COA1: variants seen among roughly 807,000 people sequenced by gnomAD.
The protein encoded by COA1 is cytochrome c oxidase assembly factor 1, also known as cytochrome c oxidase assembly factor 1 homolog.
Under a neutral mutation model 16.0 loss-of-function variants are expected in COA1, and 13 were observed. The ratio of observed to expected loss-of-function variants is 0.81; its 90% confidence interval spans 0.53 to 1.29. The LOEUF is 1.29. Ranked by LOEUF, COA1 falls within the 50% of genes most tolerant of loss-of-function variation. COA1 has a pLI of 0.00. For missense variants in COA1, 179 were observed against 177.0 expected, an observed-to-expected ratio of 1.01 and a Z score of -0.06; for synonymous variants, 65 against 65.7, an observed-to-expected ratio of 0.99 and a Z score of 0.05.
intron 6 of COA1, chr7:43,619,511 A>C (rs1307746535): frequency 6.7e-7 from 1 of 1,484,768 alleles, no homozygotes; most frequent in Admixed American, 2.1e-5. Flanking sequence ...TCTCAGTTTC[A>C]TAGGTGAAAT....
intron 1 of COA1, among the ~76,000 whole-genome samples, chr7:43,728,148 G>A (rs1252420463): frequency 6.6e-6 from 1 of 151,958 alleles, no homozygotes; most frequent in African/African-American, 2.4e-5. Context: ...CTAATTTTTT[G>A]TATTTTTAGT....
At chr7:43,666,940 G>C (rs1333000144) in intron 1 of COA1, among the ~76,000 whole-genome samples, 1 of 152,186 alleles carries the variant, frequency 6.6e-6, no homozygotes, top group East Asian at 1.9e-4. Flanking sequence ...ACCATGGCAA[G>C]CAGGTCTTAA....
At chr7:43,643,562 T>A (rs930295623) in intron 4 of COA1, among the ~76,000 whole-genome samples, 1 of 152,202 alleles carries the variant, frequency 6.6e-6, no homozygotes, top group Non-Finnish European at 1.5e-5. Context: ...GTCGCTGCCG[T>A]CCTTCCACTC....
At chr7:43,641,660 C>T (rs994477452) in intron 4 of COA1, 4 of 152,174 alleles carry the variant, frequency 2.6e-5, no homozygotes, top group African/African-American at 7.2e-5. Flanking sequence ...GAAGGCTTGT[C>T]TGAGAAAGAC....
chr7:43,647,134 G>C (rs1584346437), intron 3 of COA1: 1 of 215,356 alleles, frequency 4.6e-6, no homozygotes, highest in East Asian at 1.1e-4. Flanking sequence ...CAACAGCAGA[G>C]AATGAAAGTG....
At chr7:43,689,305 C>T (rs1427336227) in intron 1 of COA1, among the ~76,000 whole-genome samples, 4 of 152,152 alleles carry the variant, frequency 2.6e-5, no homozygotes, top group African/African-American at 9.7e-5. Context: ...AGGAACTCTC[C>T]ATTCAACCAT....
intron 3 of COA1, 29 bp from the exon 4 acceptor site, chr7:43,645,428 TTATTGAACTTGGTCAGG>T: frequency 6.2e-7 from 1 of 1,608,938 alleles, no homozygotes; most frequent in Non-Finnish European, 8.5e-7. Flanking sequence ...CTTATTTTCT[TTATTGAACTTGGTCAGG>T]TAGAATCTAC....
intron 6 of COA1, among the ~76,000 whole-genome samples, chr7:43,613,982 C>T (rs2083109929): frequency 6.6e-6 from 1 of 152,140 alleles, no homozygotes; most frequent in Non-Finnish European, 1.5e-5. Context: ...CATTCCTAAA[C>T]AGTCCCCCAA....
chr7:43,611,910 CTAAT>C (rs1373707789), intron 6 of COA1, among the ~76,000 whole-genome samples: 12 of 152,276 alleles, frequency 7.9e-5, no homozygotes, highest in African/African-American at 2.9e-4. Flanking sequence ...TATTCAAGAA[CTAAT>C]TAAGTAGCAA....
intron 1 of COA1, among the ~76,000 whole-genome samples, chr7:43,693,577 A>G: frequency 6.6e-6 from 1 of 151,876 alleles, no homozygotes; most frequent in Non-Finnish European, 1.5e-5. Context: ...CCCTCCTCAA[A>G]TATCATCACT....
chr7:43,626,276 C>CT (rs2153029984), intron 6 of COA1: 1 of 152,318 alleles, frequency 6.6e-6, no homozygotes, highest in South Asian at 2.1e-4. Context: ...CACCTAACCA[C>CT]TATTTTAAAG....
chr7:43,624,822 C>G (rs2084323095), intron 6 of COA1: 2 of 1,601,848 alleles, frequency 1.2e-6, no homozygotes, highest in East Asian at 4.5e-5. Context: ...ACAAGAAATT[C>G]CAGGAGAATT....
intron 1 of COA1, among the ~76,000 whole-genome samples, chr7:43,656,363 C>A (rs2091702893): frequency 1.3e-5 from 2 of 152,126 alleles, no homozygotes; most frequent in African/African-American, 4.8e-5. Flanking sequence ...AACATTCAAA[C>A]AAACACAAGG....
At chr7:43,705,430 C>A (rs577977266) in intron 1 of COA1, among the ~76,000 whole-genome samples, 1 of 152,190 alleles carries the variant, frequency 6.6e-6, no homozygotes, top group Non-Finnish European at 1.5e-5. Flanking sequence ...TGGACAGATA[C>A]GGTCTTATGG....
At chr7:43,712,155 C>G (rs2095270490) in intron 1 of COA1, among the ~76,000 whole-genome samples, 1 of 152,066 alleles carries the variant, frequency 6.6e-6, no homozygotes, top group East Asian at 1.9e-4. Flanking sequence ...CTCTGTCGCC[C>G]AGGCTGGAGT....
intron 3 of COA1, chr7:43,647,261 CCT>C (rs2089600146): frequency 8.2e-6 from 4 of 487,492 alleles, no homozygotes; most frequent in East Asian, 3.2e-5. Flanking sequence ...TGATGGAGCC[CCT>C]GTGTGTGCAC....
At chr7:43,613,137 A>G (rs1473772466) in intron 6 of COA1, among the ~76,000 whole-genome samples, 2 of 152,160 alleles carry the variant, frequency 1.3e-5, no homozygotes, top group East Asian at 1.9e-4. Flanking sequence ...TTTTTCTTCA[A>G]ATGGTGTTGT....
Position 43,645,263 on chromosome 7 carries a change from A to G in COA1, c.252T>C (p.Ile84=). 2 of 1,613,928 alleles carry G rather than the reference A, an allele frequency of 1.2e-6. No individual in the cohort carries two copies. Among genetic ancestry groups the G allele is most frequent in the Non-Finnish European group, 1.7e-6 (2 of 1,179,930 alleles). Residue 84 remains isoleucine, a synonymous_variant, in exon 4 of 6, where the codon ATT becomes ATC. Coordinates refer to ENST00000223336, the MANE Select transcript of COA1 (RefSeq NM_018224.4). Reference sequence around the variant, plus strand: ...GAAAGCACATTACCTTGGCATCAACAATGTCCACGAAGTTTTCCCTGTCGA... The same window carrying G: ...GAAAGCACATTACCTTGGCATCAACGATGTCCACGAAGTTTTCCCTGTCGA... The part of the protein sequence containing the change: ...KLIDRENFVD[I]VDAKLKIPVS...
At chr7:43,619,668 A>G (rs1320480999) in intron 6 of COA1, 17 of 1,613,988 alleles carry the variant, frequency 1.1e-5, no homozygotes, top group Middle Eastern at 1.6e-4. Flanking sequence ...GCCTTTCAAG[A>G]ATATTGAAGA....
Sources: allele counts gnomAD v4.1 joint callset (sites outside exome capture counted in the v4.1 genomes callset), GRCh38; gene constraint gnomAD v4.1.1; transcripts MANE v1.5; gene names NCBI Gene and HGNC (gene_info 2026-07-23, HGNC 2026-07-21).